FILIP1L: variants seen among roughly 807,000 people sequenced by gnomAD.
FILIP1L encodes the protein filamin A interacting protein 1 like, also known as filamin A-interacting protein 1-like.
A neutral mutation model predicts 96.6 loss-of-function variants in FILIP1L; 55 were observed. That is an observed-to-expected ratio of 0.57 (90% CI 0.46 to 0.71). The LOEUF (loss-of-function observed/expected upper bound fraction) is 0.71, where lower values mean the gene tolerates loss of function less well. Ranked by LOEUF, FILIP1L falls within the 30% of genes least tolerant of loss-of-function variation. The probability of loss-of-function intolerance (pLI) is 0.00; values close to 1 mark genes in which losing one functional copy is unlikely to be tolerated. For missense variants in FILIP1L, 1,304 were observed against 1,321.2 expected, an observed-to-expected ratio of 0.99 and a Z score of 0.20; for synonymous variants, 467 against 473.9, an observed-to-expected ratio of 0.99 and a Z score of 0.19.
At chr3:100,093,741 ACTT>A (rs1262306479) in intron 1 of FILIP1L, among the ~76,000 whole-genome samples, 1 of 152,172 alleles carries the variant, frequency 6.6e-6, no homozygotes, top group African/African-American at 2.4e-5. Context: ...GGCAATCACT[ACTT>A]CTCAATTTAT....
chr3:99,996,421 C>T (rs1378262408), intron 1 of FILIP1L, among the ~76,000 whole-genome samples: 2 of 152,202 alleles, frequency 1.3e-5, no homozygotes, highest in African/African-American at 4.8e-5. Flanking sequence ...AACTTTCCCA[C>T]ATTTTCCTGT....
intron 1 of FILIP1L, among the ~76,000 whole-genome samples, chr3:99,936,187 G>A (rs1168597329): frequency 6.6e-6 from 1 of 151,724 alleles, no homozygotes; most frequent in Non-Finnish European, 1.5e-5. Context: ...ATCATTTTTG[G>A]TCTTGGTCAT....
At chr3:99,879,064 C>T (rs1324918725) in intron 4 of FILIP1L, among the ~76,000 whole-genome samples, 2 of 152,128 alleles carry the variant, frequency 1.3e-5, no homozygotes, top group Admixed American at 6.6e-5. Context: ...ACTTTCTTTT[C>T]ATTTTTTAAT....
intron 1 of FILIP1L, among the ~76,000 whole-genome samples, chr3:100,070,064 G>A (rs1410436684): frequency 1.3e-5 from 2 of 152,156 alleles, no homozygotes; most frequent in African/African-American, 4.8e-5. Flanking sequence ...GATTAAGGAT[G>A]TACACATGGC....
intron 1 of FILIP1L, among the ~76,000 whole-genome samples, chr3:100,022,448 A>G (rs528958692): frequency 6.6e-6 from 1 of 152,336 alleles, no homozygotes; most frequent in South Asian, 2.1e-4. Flanking sequence ...AAAGGCCTGC[A>G]GTTCAACAAT....
chr3:99,832,698 G>A (rs1479379710), intron 5 of FILIP1L, among the ~76,000 whole-genome samples: 4 of 137,186 alleles, frequency 2.9e-5, no homozygotes, highest in Admixed American at 1.4e-4. Flanking sequence ...CAAAACAGCC[G>A]GGCGTCGTGG....
chr3:99,992,746 A>G (rs1424467408), intron 1 of FILIP1L, among the ~76,000 whole-genome samples: 1 of 152,028 alleles, frequency 6.6e-6, no homozygotes, highest in Non-Finnish European at 1.5e-5. Flanking sequence ...GCCTAGGCCA[A>G]TGTCTACAGT....
intron 4 of FILIP1L, among the ~76,000 whole-genome samples, chr3:99,901,069 G>A (rs575932871): frequency 1.3e-5 from 2 of 152,284 alleles, no homozygotes; most frequent in African/African-American, 4.8e-5. Flanking sequence ...CATTTGGTGT[G>A]GAATTTACCA....
rs1180020116 is a variant in FILIP1L, at chr3:99,982,135, AAAAC to A, written c.-10-51109_-10-51106del. On this transcript the variant is annotated intron_variant, in intron 1 of 5. Transcript: ENST00000477258. ...AATGTTATAATTAGTTTAAAAAACT[AAAAC>A]AATATAAGTGCTATATATTTCGGTA... 4.6e-5 allele frequency among the ~76,000 whole-genome samples: 7 copies of A among 152,212 alleles called. No homozygotes were observed. In the East Asian group the frequency reaches 1.3e-3, roughly 29 times the overall value.
intron 1 of FILIP1L, among the ~76,000 whole-genome samples, chr3:99,966,607 T>A (rs1188994806): frequency 6.6e-6 from 1 of 152,200 alleles, no homozygotes; most frequent in Non-Finnish European, 1.5e-5. Flanking sequence ...TCAGAACCCT[T>A]CGCTCTGTAT....
At chr3:100,081,162 A>G (rs1387782937) in intron 1 of FILIP1L, among the ~76,000 whole-genome samples, 1 of 152,170 alleles carries the variant, frequency 6.6e-6, no homozygotes, top group South Asian at 2.1e-4. Flanking sequence ...GACCACCTCC[A>G]TGGTTCATAA....
intron 1 of FILIP1L, among the ~76,000 whole-genome samples, chr3:99,978,870 G>A (rs1709042384): frequency 1.3e-5 from 2 of 152,032 alleles, no homozygotes; most frequent in South Asian, 4.2e-4. Flanking sequence ...GGGCAACAGA[G>A]CGAGACTCTT....
At chr3:100,042,766 A>G (rs1186907445) in intron 1 of FILIP1L, among the ~76,000 whole-genome samples, 2 of 152,146 alleles carry the variant, frequency 1.3e-5, no homozygotes, top group Non-Finnish European at 2.9e-5. Flanking sequence ...CTTCCACACA[A>G]AGGGACAACA....
chr3:100,043,144 A>G (rs2065231645), intron 1 of FILIP1L, among the ~76,000 whole-genome samples: 1 of 152,224 alleles, frequency 6.6e-6, no homozygotes, highest in South Asian at 2.1e-4. Flanking sequence ...CAAATTGACA[A>G]GAAGTACTCC....
chr3:99,834,425 T>C (rs1330906924), intron 5 of FILIP1L, among the ~76,000 whole-genome samples: 1 of 152,220 alleles, frequency 6.6e-6, no homozygotes, highest in Non-Finnish European at 1.5e-5. Flanking sequence ...CAATCTCTCT[T>C]TCTGTGGAAA....
intron 1 of FILIP1L, among the ~76,000 whole-genome samples, chr3:100,094,376 A>G (rs1386943756): frequency 6.6e-6 from 1 of 152,080 alleles, no homozygotes; most frequent in Non-Finnish European, 1.5e-5. Context: ...CCCAATATCA[A>G]GATATTATTT....
At chr3:99,911,711 A>G (rs1356111005) in intron 4 of FILIP1L, among the ~76,000 whole-genome samples, 1 of 152,144 alleles carries the variant, frequency 6.6e-6, no homozygotes, top group African/African-American at 2.4e-5. Flanking sequence ...CCATCTTTCT[A>G]ATCAGATCCT....
intron 1 of FILIP1L, among the ~76,000 whole-genome samples, chr3:100,112,621 G>A (rs933824193): frequency 6.6e-6 from 1 of 152,162 alleles, no homozygotes; most frequent in Non-Finnish European, 1.5e-5. Context: ...AATAATGAAT[G>A]CTTTTCTTTG....
In FILIP1L at chr3:99,836,075, A is replaced by C. The variant is rs193065283; in HGVS notation, c.3382-5470T>G. Among the ~76,000 whole-genome samples the C allele has an allele frequency of 2.6e-3, 394 of 152,292 alleles. 1 individual carries two copies. The highest frequency in any genetic ancestry group is 4.0e-3 in the Non-Finnish European group (273 of 68,032). ...AGGTTTGGACTTTGGGCACTAAGCA[A>C]TTTTAAGTGCTGTTTTCTGGGAGGC... On this transcript the variant is annotated intron_variant, in intron 5 of 5. Transcript: ENST00000477258.
Sources: allele counts gnomAD v4.1 joint callset (sites outside exome capture counted in the v4.1 genomes callset), GRCh38; gene constraint gnomAD v4.1.1; transcripts MANE v1.5; gene names NCBI Gene and HGNC (gene_info 2026-07-23, HGNC 2026-07-21).